The following RAPGEF6 variants were observed in gnomAD, a reference collection of about 807,000 sequenced individuals.
The protein encoded by RAPGEF6 is Rap guanine nucleotide exchange factor 6.
In RAPGEF6, 56 loss-of-function variants were observed where a neutral mutation model predicts 171.4. That is an observed-to-expected ratio of 0.33 (90% confidence interval 0.26 to 0.41). RAPGEF6 has a LOEUF of 0.41. RAPGEF6 is among the 10% of genes least tolerant of loss of function. The pLI, the probability that RAPGEF6 is intolerant of heterozygous loss-of-function variation, is 1.00. For missense variants in RAPGEF6, 1,674 were observed against 1,921.4 expected, an observed-to-expected ratio of 0.87 and a Z score of 2.41; for synonymous variants, 692 against 650.1, an observed-to-expected ratio of 1.06 and a Z score of -0.98.
chr5:131,430,622 T>C (rs1751640929), intron 26 of RAPGEF6: 1 of 644,936 alleles, frequency 1.6e-6, no homozygotes, highest in East Asian at 3.2e-5. Context: ...CAAACAAACT[T>C]GTCCCTCTAA....
chr5:131,534,568 T>C (rs1276263032), intron 6 of RAPGEF6, among the ~76,000 whole-genome samples: 1 of 149,604 alleles, frequency 6.7e-6, no homozygotes, highest in Admixed American at 6.7e-5. Flanking sequence ...ACATAAAACA[T>C]GCAATATTTA....
At chr5:131,527,453 T>TA (rs1561537025) in intron 6 of RAPGEF6, among the ~76,000 whole-genome samples, 1 of 152,192 alleles carries the variant, frequency 6.6e-6, no homozygotes, top group African/African-American at 2.4e-5. Flanking sequence ...AATATTCTCA[T>TA]AAACTGCTAA....
chr5:131,565,228 A>G (rs1761860548), intron 4 of RAPGEF6, among the ~76,000 whole-genome samples: 1 of 150,304 alleles, frequency 6.7e-6, no homozygotes, highest in Non-Finnish European at 1.5e-5. Context: ...CAATTGTTTT[A>G]TTGTATATTA....
intron 5 of RAPGEF6, among the ~76,000 whole-genome samples, chr5:131,555,559 T>C (rs180918786): frequency 6.4e-4 from 97 of 152,154 alleles, no homozygotes; most frequent in Non-Finnish European, 9.6e-4. Context: ...CTATTAGTTA[T>C]ATTAACTATA....
Position 131,430,839 on chromosome 5 carries a change from A to AC in RAPGEF6, c.4465+19dup. ...ACTACTTAATCTCTAAATGCCACAG[A>AC]CAACAAAAACACAACTTACCAATCA... On this transcript the variant is annotated intron_variant, in intron 26 of 27. Coordinates refer to ENST00000509018, the MANE Select transcript of RAPGEF6 (RefSeq NM_016340.6). The AC allele has an allele frequency of 6.3e-7, 1 of 1,583,034 alleles. No homozygotes were observed.
At chr5:131,470,898 T>C (rs1754692744) in intron 17 of RAPGEF6, among the ~76,000 whole-genome samples, 1 of 151,854 alleles carries the variant, frequency 6.6e-6, no homozygotes, top group Non-Finnish European at 1.5e-5. Flanking sequence ...GGAAGGAGGG[T>C]TGAAGTAATA....
chr5:131,472,815 G>A (rs1460001451), intron 16 of RAPGEF6, 71 bp from the exon 17 acceptor site: 1 of 1,327,706 alleles, frequency 7.5e-7, no homozygotes, highest in Non-Finnish European at 1.1e-6. Context: ...TCTGTTCCCT[G>A]TGCACTAAGG....
chr5:131,450,012 T>G, intron 21 of RAPGEF6: 1 of 1,540,856 alleles, frequency 6.5e-7, no homozygotes, highest in South Asian at 1.2e-5. Flanking sequence ...TGCGTTCATC[T>G]CTACACTTAC....
intron 15 of RAPGEF6, among the ~76,000 whole-genome samples, chr5:131,487,804 A>T (rs897923174): frequency 6.6e-6 from 1 of 152,226 alleles, no homozygotes; most frequent in Non-Finnish European, 1.5e-5. Context: ...AGTTTGATAC[A>T]GGACAACCTA....
At chr5:131,499,852 A>C (rs1756901331) in intron 11 of RAPGEF6, among the ~76,000 whole-genome samples, 1 of 152,180 alleles carries the variant, frequency 6.6e-6, no homozygotes, top group Non-Finnish European at 1.5e-5. Flanking sequence ...TTATCTAAGA[A>C]TCTATTAAAA....
intron 1 of RAPGEF6, among the ~76,000 whole-genome samples, chr5:131,612,201 A>ATTTTTTTTTTTTTTTTTTTTTTT (rs35306366): frequency 1.2e-5 from 1 of 83,328 alleles, no homozygotes; most frequent in Non-Finnish European, 2.3e-5. Context: ...TGCTCAGCTA[A>ATTTTTTTTTTTTTTTTTTTTTTT]TTTTTTTTTT....
chr5:131,442,903 T>C (rs1164351594), intron 22 of RAPGEF6, among the ~76,000 whole-genome samples: 2 of 151,892 alleles, frequency 1.3e-5, no homozygotes, highest in Non-Finnish European at 2.9e-5. Context: ...GTCTACTCTC[T>C]CAGCCTCCTG....
intron 5 of RAPGEF6, among the ~76,000 whole-genome samples, chr5:131,557,826 A>C (rs1366242625): frequency 1.3e-5 from 2 of 152,148 alleles, no homozygotes; most frequent in Admixed American, 6.5e-5. Context: ...TCAAATGCTA[A>C]ATCAATTTGT....
At chr5:131,562,694 T>C (rs1387126185) in intron 4 of RAPGEF6, among the ~76,000 whole-genome samples, 1 of 152,172 alleles carries the variant, frequency 6.6e-6, no homozygotes, top group African/African-American at 2.4e-5. Context: ...AAATGCTACA[T>C]AAATAGTTGT....
intron 2 of RAPGEF6, among the ~76,000 whole-genome samples, chr5:131,603,859 A>G (rs1027912467): frequency 1.9e-4 from 29 of 152,184 alleles, no homozygotes; most frequent in African/African-American, 6.7e-4. Flanking sequence ...TAATAATTAT[A>G]TTTTATCAAT....
At chr5:131,434,412 A>G (rs1448705975) in intron 24 of RAPGEF6, among the ~76,000 whole-genome samples, 10 of 151,958 alleles carry the variant, frequency 6.6e-5, no homozygotes, top group Non-Finnish European at 1.3e-4. Context: ...GTTATTTTTA[A>G]ACTTTTTGCA....
intron 1 of RAPGEF6, among the ~76,000 whole-genome samples, chr5:131,609,733 A>G (rs1182228116): frequency 1.3e-5 from 2 of 152,240 alleles, no homozygotes; most frequent in African/African-American, 4.8e-5. Context: ...TAACAAGTAG[A>G]CTATATATGG....
chr5:131,428,299 G>A (rs1179340250), intron 27 of RAPGEF6, among the ~76,000 whole-genome samples: 1 of 151,666 alleles, frequency 6.6e-6, no homozygotes, highest in East Asian at 1.9e-4. Flanking sequence ...TGTAGTCCCA[G>A]CTACTTGGGA....
intron 1 of RAPGEF6, among the ~76,000 whole-genome samples, chr5:131,607,434 T>TA (rs147076180): frequency 0.019 from 2,908 of 152,316 alleles, 46 homozygotes; most frequent in Middle Eastern, 0.078. Flanking sequence ...AAGCCTCAAA[T>TA]ACTGATGTGG....
Sources: allele counts gnomAD v4.1 joint callset (sites outside exome capture counted in the v4.1 genomes callset), GRCh38; gene constraint gnomAD v4.1.1; transcripts MANE v1.5; gene names NCBI Gene and HGNC (gene_info 2026-07-23, HGNC 2026-07-21).